IQGAP2: variants seen among roughly 807,000 people sequenced by gnomAD.
IQGAP2 encodes the protein IQ motif containing GTPase activating protein 2, also known as ras GTPase-activating-like protein IQGAP2.
Under a neutral mutation model 201.3 loss-of-function variants are expected in IQGAP2, and 173 were observed. The observed-to-expected ratio is 0.86, with a 90% confidence interval of 0.76 to 0.98. IQGAP2 has a LOEUF of 0.98. Among genes scored for constraint, IQGAP2 ranks in the 50% least tolerant of loss-of-function variants. IQGAP2 has a pLI of 0.00. For missense variants in IQGAP2, 1,687 were observed against 1,864.8 expected, an observed-to-expected ratio of 0.90 and a Z score of 1.76; for synonymous variants, 675 against 673.9, an observed-to-expected ratio of 1.00 and a Z score of -0.03.
At chr5:76,689,230 TAAAAAAAAAAA>T (rs11424254) in intron 30 of IQGAP2, among the ~76,000 whole-genome samples, 16 of 86,492 alleles carry the variant, frequency 1.8e-4, no homozygotes, top group Non-Finnish European at 2.9e-4. Flanking sequence ...CAGGGATATT[TAAAAAAAAAAA>T]AAAAAAAAAA....
chr5:76,693,683 G>C (rs1746478637), intron 31 of IQGAP2: 1 of 361,006 alleles, frequency 2.8e-6, no homozygotes, highest in Admixed American at 4.4e-5. Context: ...TCTTAACCTA[G>C]GATGATAGTT....
chr5:76,503,177 T>C (rs1312123805), intron 2 of IQGAP2, among the ~76,000 whole-genome samples: 1 of 144,066 alleles, frequency 6.9e-6, no homozygotes, highest in Non-Finnish European at 1.5e-5. Flanking sequence ...TTCTTTTCTT[T>C]TTTTTTTTTT....
At chr5:76,511,949 G>A (rs1757994856) in intron 2 of IQGAP2, among the ~76,000 whole-genome samples, 1 of 152,090 alleles carries the variant, frequency 6.6e-6, no homozygotes, top group Non-Finnish European at 1.5e-5. Context: ...CAAAGTGCTG[G>A]GATTACAGGC....
intron 2 of IQGAP2, among the ~76,000 whole-genome samples, chr5:76,467,231 G>A (rs528283189): frequency 5.2e-4 from 79 of 152,236 alleles, no homozygotes; most frequent in Middle Eastern, 3.4e-3. Flanking sequence ...TCTAACCTGG[G>A]TGACAGAGCA....
chr5:76,469,962 G>A (rs1755014047), intron 2 of IQGAP2, among the ~76,000 whole-genome samples: 1 of 151,996 alleles, frequency 6.6e-6, no homozygotes, highest in Non-Finnish European at 1.5e-5. Context: ...AATTTTTGAG[G>A]GTCAGAAATC....
chr5:76,700,581 A>G (rs934286996), intron 33 of IQGAP2, among the ~76,000 whole-genome samples: 1 of 152,226 alleles, frequency 6.6e-6, no homozygotes. Flanking sequence ...TACATGATAT[A>G]GTATATAGCA....
intron 1 of IQGAP2, among the ~76,000 whole-genome samples, chr5:76,427,495 G>A (rs1580167112): frequency 6.6e-6 from 1 of 152,134 alleles, no homozygotes; most frequent in East Asian, 1.9e-4. Flanking sequence ...CCGGGAATAG[G>A]ATTATGCTTG....
At chr5:76,522,037 A>G (rs1758711575) in intron 2 of IQGAP2, among the ~76,000 whole-genome samples, 1 of 152,030 alleles carries the variant, frequency 6.6e-6, no homozygotes. Context: ...GATGGTATGG[A>G]TTTGTTCTCA....
At chr5:76,525,534 A>G (rs1369015366) in intron 2 of IQGAP2, among the ~76,000 whole-genome samples, 1 of 151,974 alleles carries the variant, frequency 6.6e-6, no homozygotes, top group Admixed American at 6.6e-5. Context: ...CAGGGAGGAA[A>G]ATACAGTGTG....
chr5:76,448,724 T>C (rs747347873), intron 1 of IQGAP2, among the ~76,000 whole-genome samples: 4 of 152,180 alleles, frequency 2.6e-5, no homozygotes, highest in Non-Finnish European at 4.4e-5. Context: ...GGTGCAGCTC[T>C]AAACATGTTG....
At position 76,606,322 on chromosome 5, in the gene IQGAP2, C is replaced by A; in HGVS notation, c.1357+19C>A. On this transcript the variant is annotated intron_variant, in intron 12 of 35. Coordinates refer to ENST00000274364, the MANE Select transcript of IQGAP2 (RefSeq NM_006633.5). ...AATGACCGTAAGTATAAGACACTTT[C>A]CTTCTCTAGCATAGTGGGAGAAGAA... 6.4e-7 allele frequency: 1 copy of A among 1,572,336 alleles called. No homozygotes were observed. Among genetic ancestry groups the A allele is most frequent in the South Asian group, 1.2e-5 (1 of 82,134 alleles).
In IQGAP2 at chr5:76,584,593, A is replaced by G. The variant is rs144657552; in HGVS notation, c.459-4313A>G. ...GCAGAACTATATGGCCCTTCCCTAA[A>G]GCAGCAAGTGTAGATGCTGATAGCG... On this transcript the variant is annotated intron_variant, in intron 5 of 35. Transcript: ENST00000274364. Among the ~76,000 whole-genome samples the G allele has an allele frequency of 3.5e-4, 53 of 152,260 alleles. No homozygotes were observed. In the East Asian group the frequency reaches 9.8e-3, roughly 28 times the overall value.
At chr5:76,412,700 A>C (rs372425582) in intron 1 of IQGAP2, among the ~76,000 whole-genome samples, 1 of 152,202 alleles carries the variant, frequency 6.6e-6, no homozygotes, top group Non-Finnish European at 1.5e-5. Flanking sequence ...ACAGGTTTGC[A>C]TAACATGTCT....
chr5:76,685,694 C>T (rs1002165446), intron 30 of IQGAP2, among the ~76,000 whole-genome samples: 6 of 124,122 alleles, frequency 4.8e-5, no homozygotes, highest in African/African-American at 9.1e-5. Context: ...GGCTCTCCCC[C>T]GTCCCCCCCA....
intron 2 of IQGAP2, among the ~76,000 whole-genome samples, chr5:76,525,060 G>A (rs1758893413): frequency 6.6e-6 from 1 of 152,174 alleles, no homozygotes; most frequent in African/African-American, 2.4e-5. Flanking sequence ...AACCTCCCAT[G>A]GGACTGCCGT....
intron 13 of IQGAP2, chr5:76,615,852 G>A (rs1048343742): frequency 6.6e-6 from 1 of 152,594 alleles, no homozygotes; most frequent in Non-Finnish European, 1.5e-5. Context: ...ATGGCCTGGT[G>A]AGTATAGTCT....
At chr5:76,634,173 A>G (rs1230755358) in intron 15 of IQGAP2, among the ~76,000 whole-genome samples, 1 of 152,072 alleles carries the variant, frequency 6.6e-6, no homozygotes, top group Admixed American at 6.6e-5. Context: ...ATTAATTTAT[A>G]TATGGTCTAT....
At chr5:76,422,722 A>C (rs979999707) in intron 1 of IQGAP2, among the ~76,000 whole-genome samples, 3 of 152,228 alleles carry the variant, frequency 2.0e-5, no homozygotes, top group Admixed American at 6.5e-5. Flanking sequence ...GGACAGGTCT[A>C]TGAGAAGGAG....
chr5:76,562,308 AAC>A, intron 2 of IQGAP2, 86 bp from the exon 3 acceptor site: 1 of 960,472 alleles, frequency 1.0e-6, no homozygotes, highest in East Asian at 2.4e-5. Flanking sequence ...CTTTGTCTCC[AAC>A]ACACACAGCG....
Sources: gnomAD v4.1 joint callset for allele counts (sites outside exome capture counted in the v4.1 genomes callset) on GRCh38, gnomAD v4.1.1 for gene constraint, MANE v1.5 for transcripts, NCBI Gene and HGNC (gene_info 2026-07-23, HGNC 2026-07-21) for gene names.